RET: variants seen among roughly 807,000 people sequenced by gnomAD.
RET encodes proto-oncogene tyrosine-protein kinase receptor Ret.
A neutral mutation model predicts 118.3 loss-of-function variants in RET; 19 were observed. The ratio of observed to expected loss-of-function variants is 0.16; its 90% CI spans 0.11 to 0.24. The LOEUF (loss-of-function observed/expected upper bound fraction) is 0.24. Among genes scored for constraint, RET ranks in the 10% least tolerant of loss-of-function variants. RET has a pLI of 1.00. For synonymous variants in RET, 597 were observed against 644.1 expected (o/e 0.93, Z 1.11); for missense variants, 1,219 against 1,502.1 (o/e 0.81, Z 3.12).
At position 43,114,729 on chromosome 10, in the gene RET, A is replaced by G. The variant is rs774983492; in HGVS notation, c.2129A>G (p.Lys710Arg). The part of the protein sequence containing the change: ...MENQVSVDAF[K>R]ILEDPKWEFP... ...AACCAGGTCTCCGTGGATGCCTTCA[A>G]GATCCTGGTGAGGGTCCCTGCGGGG... Residue 710 changes from lysine to arginine, a missense_variant, in exon 11 of 20, where the codon AAG becomes AGG. Physicochemically the swap from Lys to Arg is conservative, Grantham distance 26 (BLOSUM62 2). Transcript: ENST00000355710. This position sits in a 1 kb window ranked among gnomAD's most constrained non-coding sequence, Gnocchi z 4.6. 6.8e-6 allele frequency: 11 copies of G among 1,609,908 alleles called. No individual in the cohort carries two copies. The highest frequency in any genetic ancestry group is 9.3e-6 in the Non-Finnish European group (11 of 1,179,538).
intron 7 of RET, 37 bp from the exon 8 acceptor site, chr10:43,112,062 C>T (rs958163092): frequency 6.3e-7 from 1 of 1,576,096 alleles, no homozygotes. Flanking sequence ...TGGGCCCAGG[C>T]CAGCCCCCTG....
intron 1 of RET, among the ~76,000 whole-genome samples, chr10:43,089,202 T>C (rs1837358975): frequency 6.6e-6 from 1 of 152,240 alleles, no homozygotes; most frequent in African/African-American, 2.4e-5. Flanking sequence ...CCCAGCCGGC[T>C]GACCTCAGGG....
At chr10:43,104,741 G>A (rs1837719035) in intron 3 of RET, 1 of 729,454 alleles carries the variant, frequency 1.4e-6, no homozygotes, top group South Asian at 1.9e-5. Context: ...CACAGTCATC[G>A]CTGCAAACTG....
chr10:43,101,556 G>A (rs1476665211), intron 2 of RET, among the ~76,000 whole-genome samples: 2 of 152,238 alleles, frequency 1.3e-5, no homozygotes, highest in Admixed American at 6.5e-5. Context: ...TACGCACTTA[G>A]TTGCTGCCCT....
chr10:43,127,171 C>T, intron 19 of RET: 2 of 1,098,450 alleles, frequency 1.8e-6, no homozygotes, highest in Non-Finnish European at 2.2e-6. Context: ...CCCCCAGACC[C>T]CTCCTGGGCA....
rs1474044577 is a variant in RET, at chr10:43,079,176, C to G, written c.73+1845C>G. Reference sequence around the variant, plus strand: ...CTAGAGGATGAGGGTTCTTCCACAGCTCACACATGCACACTCACACTGGAT... The same window carrying G: ...CTAGAGGATGAGGGTTCTTCCACAGGTCACACATGCACACTCACACTGGAT... On this transcript the variant is annotated intron_variant, in intron 1 of 19. Transcript: ENST00000355710. Among the ~76,000 whole-genome samples, 3 of 152,182 alleles carry G rather than the reference C, an allele frequency of 2.0e-5. No homozygotes were observed. The East Asian group carries it at 5.8e-4, about 29-fold the overall frequency.
intron 1 of RET, among the ~76,000 whole-genome samples, chr10:43,096,116 C>A (rs1837518669): frequency 6.6e-6 from 1 of 152,206 alleles, no homozygotes; most frequent in African/African-American, 2.4e-5. Flanking sequence ...TCTGTCACCA[C>A]GTGGCATTTG....
intron 16 of RET, among the ~76,000 whole-genome samples, chr10:43,122,784 A>G (rs111635151): frequency 6.6e-6 from 1 of 151,676 alleles, no homozygotes; most frequent in Non-Finnish European, 1.5e-5. Flanking sequence ...ATTTTTTTGT[A>G]TTTTTTGGTA....
At position 43,114,144 on chromosome 10, in the gene RET, T is replaced by C. The variant is rs944092885; in HGVS notation, c.1880-336T>C. On this transcript the variant is annotated intron_variant, in intron 10 of 19. Transcript: ENST00000355710. This position sits in a 1 kb window ranked among gnomAD's most constrained non-coding sequence, Gnocchi z 4.6. The stretch of plus-strand genomic sequence containing the variant: ...TTTCATAAAGAAAATGCCAAAGACA[T>C]TTGGAACAGAGGAAAATTTTGACCT... 6.6e-6 allele frequency among the ~76,000 whole-genome samples: 1 copy of C among 152,150 alleles called. No homozygotes were observed. The highest frequency in any genetic ancestry group is 1.5e-5 in the Non-Finnish European group (1 of 68,018).
rs768398267 is a variant in RET at position 43,119,527 on chromosome 10, C to A, written c.2393-4C>A. 6.3e-7 allele frequency: 1 copy of A among 1,593,132 alleles called. No homozygotes were observed. The highest frequency in any genetic ancestry group is 1.7e-5 in the Admixed American group (1 of 58,164). On this transcript the variant is annotated splice_region_variant and splice_polypyrimidine_tract_variant and intron_variant, in intron 13 of 19. Coordinates refer to ENST00000355710, the MANE Select transcript of RET (RefSeq NM_020975.6). ...CGCCCAGGGCCCCCTCTCTCCGCCC[C>A]CAGGCCCGCTCCTCCTCATCGTGGA...
intron 3 of RET, 154 bp downstream of exon 3, chr10:43,102,783 C>A: frequency 1.1e-6 from 1 of 902,822 alleles, no homozygotes; most frequent in South Asian, 1.5e-5. Context: ...CTGCCAGGGG[C>A]CAGGTACTGT....
In RET at chr10:43,104,640, G is replaced by A. The variant is rs537783545; in HGVS notation, c.626-312G>A. 7.5e-5 allele frequency: 39 copies of A among 522,044 alleles called. 1 individual carries two copies. Among genetic ancestry groups the A allele is most frequent in the South Asian group, 3.4e-4 (16 of 46,454 alleles). The allele number at this position is 522,044 out of a possible 1,614,324, so 32.3% of individuals were successfully genotyped here. ...CTGATCAAGGCCAGGTGGGCGGAGG[G>A]GTGTCCCAGTCCCTACTGGTTGATC... is the stretch of plus-strand genomic sequence containing the variant. On this transcript the variant is annotated intron_variant, in intron 3 of 19. Coordinates refer to ENST00000355710, the MANE Select transcript of RET (RefSeq NM_020975.6).
chr10:43,098,328 G>C (rs777518175), intron 1 of RET, among the ~76,000 whole-genome samples: 4 of 151,964 alleles, frequency 2.6e-5, no homozygotes, highest in Non-Finnish European at 4.4e-5. Flanking sequence ...AAGTGGAATC[G>C]TGCAGTGTTC....
chr10:43,119,658 C>T lies in RET; in HGVS notation c.2520C>T (p.His840=), dbSNP rs751498307. ...GGSRNSSSLD[H]PDERALTMGD... is the part of the protein sequence containing the mutation. ...GCCGCAACTCCAGCTCCCTGGACCA[C>T]CCGGATGAGCGGGCCCTCACCATGG... is the stretch of plus-strand genomic sequence containing the variant. The change falls in exon 14 of 20, where the codon CAC becomes CAT. Residue 840 remains histidine, a synonymous_variant. Coordinates refer to ENST00000355710, the MANE Select transcript of RET (RefSeq NM_020975.6). The T allele has an allele frequency of 6.2e-7, 1 of 1,613,354 alleles. No individual in the cohort carries two copies.
At position 43,128,313 on chromosome 10, in the gene RET, T is replaced by C. The variant is rs1386740298; in HGVS notation, c.*44T>C. 2 of 1,607,782 alleles carry C rather than the reference T, an allele frequency of 1.2e-6. No homozygotes were observed. Among genetic ancestry groups the C allele is most frequent in the Admixed American group, 3.3e-5 (2 of 60,012 alleles). ...AATGGACTCACAAGGGGAAGAAACA[T>C]GCTGAGAATGGAAAGTCTACCGGCC... On this transcript the variant is annotated 3_prime_UTR_variant, in exon 20 of 20. Transcript: ENST00000355710.
rs201740483 is a variant in RET at position 43,126,647 on chromosome 10, A to G, written c.3112A>G (p.Thr1038Ala). 5.6e-4 allele frequency: 911 copies of G among 1,613,988 alleles called. No homozygotes were observed. The highest frequency in any genetic ancestry group is 6.5e-4 in the Non-Finnish European group (764 of 1,179,998). Residue 1038 changes from threonine to alanine, a missense_variant, in exon 19 of 20, where the codon ACA becomes GCA. By Grantham distance (58) the Thr-to-Ala change is moderately conservative. Coordinates refer to ENST00000355710, the MANE Select transcript of RET (RefSeq NM_020975.6). ...TGACGACGGCCTCTCAGAGGAGGAG[A>G]CACCGCTGGTGGACTGTAATAATGC... ...IYDDGLSEEETPLVDCNNAPL... is the reference protein window; with the variant it reads ...IYDDGLSEEEAPLVDCNNAPL...
intron 1 of RET, among the ~76,000 whole-genome samples, chr10:43,095,539 G>T (rs561132175): frequency 6.6e-6 from 1 of 152,340 alleles, no homozygotes; most frequent in African/African-American, 2.4e-5. Context: ...AGGGGGCTCA[G>T]GACTGGTCCC....
Position 43,128,547 on chromosome 10 carries a change from G to A in RET, c.*278G>A. 2 of 528,688 alleles carry A rather than the reference G, an allele frequency of 3.8e-6. No individual in the cohort carries two copies. The highest frequency in any genetic ancestry group is 3.4e-6 in the Non-Finnish European group (1 of 291,404). The allele number at this position is 528,688 out of a possible 1,614,324, so 32.7% of individuals were successfully genotyped here. A position where few individuals can be genotyped will look rare whatever the true frequency, so the allele number is the denominator to read the frequency against. ...TCAGTGCCCAGCAGCACCCAGTGTTGGTCTGTGTCCATCAGTGACCACCAA... is the reference window on the plus strand; with the variant it reads ...TCAGTGCCCAGCAGCACCCAGTGTTAGTCTGTGTCCATCAGTGACCACCAA... On this transcript the variant is annotated 3_prime_UTR_variant, in exon 20 of 20. Coordinates refer to ENST00000355710, the MANE Select transcript of RET (RefSeq NM_020975.6).
At position 43,100,514 on chromosome 10, in the gene RET, C is replaced by A. The variant is rs1488040686; in HGVS notation, c.129C>A (p.Asp43Glu). 2 of 1,613,698 alleles carry A rather than the reference C, an allele frequency of 1.2e-6. No homozygotes were observed. The highest frequency in any genetic ancestry group is 1.7e-6 in the Non-Finnish European group (2 of 1,180,030). The change falls in exon 2 of 20, where the codon GAC becomes GAA. Residue 43 changes from aspartate (D) to glutamate (E), a missense_variant. Asp to Glu is a conservative substitution (Grantham distance 45). Around this residue, in one of 5 missense-constraint regions of RET, gnomAD observed 84 missense variants for 163.6 expected, o/e 0.51. Coordinates refer to ENST00000355710, the MANE Select transcript of RET (RefSeq NM_020975.6). ...CTTACTGGGAGAAGCTGTATGTGGA[C>A]CAGGCAGCCGGCACGCCCTTGCTGT... ...RDAYWEKLYVDQAAGTPLLYV... is the reference protein window; with the variant it reads ...RDAYWEKLYVEQAAGTPLLYV...
Sources: allele counts gnomAD v4.1 joint callset (sites outside exome capture counted in the v4.1 genomes callset), GRCh38; gene constraint gnomAD v4.1.1; regional missense constraint gnomAD v4.1.1; non-coding constraint Gnocchi (gnomAD v3.1); transcripts MANE v1.5; gene names NCBI Gene and HGNC (gene_info 2026-07-23, HGNC 2026-07-21).